The following KIAA1217 variants were observed in gnomAD, a reference collection of about 807,000 sequenced individuals.
KIAA1217 encodes the protein sickle tail protein homolog.
In KIAA1217, 88 loss-of-function variants were observed where a neutral mutation model predicts 163.9. The observed-to-expected ratio is 0.54, with a 90% CI of 0.45 to 0.64. The LOEUF (loss-of-function observed/expected upper bound fraction) is 0.64, where lower values mean the gene tolerates loss of function less well. Ranked by LOEUF, KIAA1217 falls within the 30% of genes least tolerant of loss-of-function variation. The probability of loss-of-function intolerance (pLI) is 0.00; values close to 1 mark genes in which losing one functional copy is unlikely to be tolerated. For missense variants in KIAA1217, 2,372 were observed against 2,475.0 expected, an observed-to-expected ratio of 0.96 and a Z score of 0.88; for synonymous variants, 903 against 923.1, an observed-to-expected ratio of 0.98 and a Z score of 0.39.
intron 5 of KIAA1217, among the ~76,000 whole-genome samples, chr10:24,465,978 C>T (rs1314667377): frequency 2.0e-5 from 3 of 152,206 alleles, no homozygotes; most frequent in South Asian, 4.1e-4. Context: ...CCTTGCCCGG[C>T]GCTATGTAGG....
chr10:24,114,867 A>T (rs1264337805), intron 2 of KIAA1217, among the ~76,000 whole-genome samples: 1 of 152,140 alleles, frequency 6.6e-6, no homozygotes, highest in Non-Finnish European at 1.5e-5. Flanking sequence ...CCCACTTGCT[A>T]ACTACGCCAC....
chr10:24,154,231 A>G (rs1293871700), intron 2 of KIAA1217, among the ~76,000 whole-genome samples: 1 of 151,970 alleles, frequency 6.6e-6, no homozygotes, highest in African/African-American at 2.4e-5. Context: ...TGCTGGGATT[A>G]CAGGCGTGAG....
chr10:24,514,334 A>G (rs1005971299), intron 10 of KIAA1217, among the ~76,000 whole-genome samples: 1 of 152,194 alleles, frequency 6.6e-6, no homozygotes, highest in Non-Finnish European at 1.5e-5. Flanking sequence ...TCATGGCCAT[A>G]ATGAGAAAAG....
At chr10:23,724,662 A>T (rs1838038603) in intron 1 of KIAA1217, among the ~76,000 whole-genome samples, 1 of 152,226 alleles carries the variant, frequency 6.6e-6, no homozygotes, top group African/African-American at 2.4e-5. Flanking sequence ...AGAATGAAGG[A>T]TTAATTCTAT....
chr10:23,989,668 C>T (rs1008443632), intron 1 of KIAA1217, among the ~76,000 whole-genome samples: 2 of 152,080 alleles, frequency 1.3e-5, no homozygotes, highest in Non-Finnish European at 1.5e-5. Context: ...GTTCCTGTAC[C>T]CCCATTACTT....
At chr10:24,330,303 AAAAAAAAAAAAAAAG>A (rs988252447) in intron 2 of KIAA1217, among the ~76,000 whole-genome samples, 10 of 150,724 alleles carry the variant, frequency 6.6e-5, no homozygotes, top group African/African-American at 2.4e-4. Context: ...TCCATCTCAA[AAAAAAAAAAAAAAAG>A]AATAGGTAGA....
At chr10:24,321,321 G>A (rs4748941) in intron 2 of KIAA1217, among the ~76,000 whole-genome samples, 134 of 151,882 alleles carry the variant, frequency 8.8e-4, no homozygotes, top group African/African-American at 3.0e-3. Flanking sequence ...AATGGATCAC[G>A]TGAGGTCAAG....
intron 2 of KIAA1217, among the ~76,000 whole-genome samples, chr10:24,120,909 A>G (rs1036754033): frequency 4.6e-5 from 7 of 152,216 alleles, no homozygotes; most frequent in African/African-American, 1.7e-4. Flanking sequence ...ACATCTAGCA[A>G]GTATTGACTG....
chr10:24,374,660 G>A (rs2052205124), intron 2 of KIAA1217, among the ~76,000 whole-genome samples: 1 of 152,176 alleles, frequency 6.6e-6, no homozygotes. Context: ...GATCATAGTT[G>A]CAAGAATGGC....
At chr10:24,371,378 G>C (rs962964047) in intron 2 of KIAA1217, among the ~76,000 whole-genome samples, 1 of 152,128 alleles carries the variant, frequency 6.6e-6, no homozygotes, top group Non-Finnish European at 1.5e-5. Context: ...AAATATCTCT[G>C]GGATCATAGA....
intron 2 of KIAA1217, among the ~76,000 whole-genome samples, chr10:24,286,890 G>T (rs537332683): frequency 6.6e-6 from 1 of 152,262 alleles, no homozygotes; most frequent in South Asian, 2.1e-4. Flanking sequence ...ATTGGAAAGG[G>T]TACCTGGTCA....
chr10:24,393,679 C>T (rs991486974), intron 3 of KIAA1217, among the ~76,000 whole-genome samples: 5 of 151,720 alleles, frequency 3.3e-5, no homozygotes, highest in Admixed American at 2.0e-4. Flanking sequence ...GGTCTTAATC[C>T]GATATGACTG....
intron 3 of KIAA1217, among the ~76,000 whole-genome samples, chr10:24,402,310 T>C (rs932396656): frequency 2.6e-5 from 4 of 151,538 alleles, no homozygotes; most frequent in Admixed American, 2.6e-4. Flanking sequence ...GTCGAGACCA[T>C]CCTGGCTAAC....
At chr10:23,961,024 A>G (rs902926491) in intron 1 of KIAA1217, among the ~76,000 whole-genome samples, 1 of 152,240 alleles carries the variant, frequency 6.6e-6, no homozygotes, top group Non-Finnish European at 1.5e-5. Context: ...TAAAGCCTCC[A>G]GAGAATTTTA....
chr10:23,717,106 A>C (rs1837618276), intron 1 of KIAA1217, among the ~76,000 whole-genome samples: 1 of 152,074 alleles, frequency 6.6e-6, no homozygotes, highest in Admixed American at 6.6e-5. Context: ...TTCTCTTCCC[A>C]GCCTGTCTTT....
intron 5 of KIAA1217, among the ~76,000 whole-genome samples, chr10:24,455,798 A>G (rs1397281437): frequency 1.3e-5 from 2 of 152,236 alleles, no homozygotes. Flanking sequence ...TTGTTGTTGT[A>G]ACACTACGAA....
At chr10:24,114,419 T>A (rs913905279) in intron 2 of KIAA1217, among the ~76,000 whole-genome samples, 2 of 152,170 alleles carry the variant, frequency 1.3e-5, no homozygotes, top group African/African-American at 4.8e-5. Context: ...AAGTGATAAT[T>A]TTTTGCAGAG....
intron 5 of KIAA1217, among the ~76,000 whole-genome samples, chr10:24,461,268 T>G (rs2062373747): frequency 6.6e-6 from 1 of 152,208 alleles, no homozygotes; most frequent in African/African-American, 2.4e-5. Context: ...TATATAACAC[T>G]CCATCTAGCT....
intron 3 of KIAA1217, among the ~76,000 whole-genome samples, chr10:24,424,957 T>C (rs1399152532): frequency 6.6e-6 from 1 of 152,220 alleles, no homozygotes; most frequent in Non-Finnish European, 1.5e-5. Flanking sequence ...GATATGCTAC[T>C]GTGTTAACTG....
Sources: allele counts gnomAD v4.1 joint callset (sites outside exome capture counted in the v4.1 genomes callset), GRCh38; gene constraint gnomAD v4.1.1; transcripts MANE v1.5; gene names NCBI Gene and HGNC (gene_info 2026-07-23, HGNC 2026-07-21).